Variants in KCNG4 observed in about 807,000 individuals in gnomAD.
The protein encoded by KCNG4 is potassium voltage-gated channel modifier subfamily G member 4.
Under a neutral mutation model 28.2 loss-of-function variants are expected in KCNG4, and 30 were observed. The observed-to-expected ratio is 1.06, with a 90% CI of 0.80 to 1.44. KCNG4 has a LOEUF of 1.44. KCNG4 is among the 40% of genes most tolerant of loss of function. The probability of loss-of-function intolerance (pLI) is 0.00; values close to 1 mark genes in which losing one functional copy is unlikely to be tolerated. For missense variants in KCNG4, 879 were observed against 712.3 expected, an observed-to-expected ratio of 1.23 and a Z score of -2.66; for synonymous variants, 375 against 315.5, an observed-to-expected ratio of 1.19 and a Z score of -2.00.
chr16:84,222,066 A>G lies in KCNG4; in HGVS notation c.*151T>C. 1.2e-6 allele frequency: 1 copy of G among 855,698 alleles called. No individual in the cohort carries two copies. The highest frequency in any genetic ancestry group is 1.9e-6 in the Non-Finnish European group (1 of 539,378). The allele number at this position is 855,698 out of a possible 1,614,324, so 53.0% of individuals were successfully genotyped here. On this transcript the variant is annotated 3_prime_UTR_variant, in exon 3 of 3. Transcript: ENST00000308251. ...GCCCCGAGGGACAAGGATCACAGAC[A>G]CACAGCCTCTGTGGCCTTATGCCCC...
At chr16:84,238,511 A>G (rs900224231) in intron 1 of KCNG4, among the ~76,000 whole-genome samples, 2 of 152,176 alleles carry the variant, frequency 1.3e-5, no homozygotes, top group African/African-American at 4.8e-5. Context: ...TGCTTGCCTC[A>G]GCCATCCTTG....
chr16:84,235,212 C>T (rs890539056), intron 2 of KCNG4, among the ~76,000 whole-genome samples: 3 of 152,276 alleles, frequency 2.0e-5, no homozygotes, highest in South Asian at 2.1e-4. Context: ...TGGCCGTCTG[C>T]GCAACCGAAA....
rs775388265 is a variant in KCNG4 at position 84,221,344 on chromosome 16, C to G, written c.*873G>C. 1 of 152,234 alleles carries G rather than the reference C, an allele frequency of 6.6e-6. No individual in the cohort carries two copies. Among genetic ancestry groups the G allele is most frequent in the Non-Finnish European group, 1.5e-5 (1 of 68,092 alleles). 9.4% of individuals were successfully genotyped at this position (152,234 alleles called of 1,614,324 possible). A position where few individuals can be genotyped will look rare whatever the true frequency, so the allele number is the denominator to read the frequency against. On this transcript the variant is annotated 3_prime_UTR_variant, in exon 3 of 3. Transcript: ENST00000308251. ...GTGTGGGAGCAACCAGCAGCAGGAA[C>G]GATCCTCTCAAGGGACAACATGGAC...
At position 84,221,805 on chromosome 16, in the gene KCNG4, C is replaced by G. The variant is rs931938991; in HGVS notation, c.*412G>C. The G allele has an allele frequency of 5.3e-6, 1 of 186,916 alleles. No homozygotes were observed. 11.6% of individuals were successfully genotyped at this position (186,916 alleles called of 1,614,324 possible). A position where few individuals can be genotyped will look rare whatever the true frequency, so the allele number is the denominator to read the frequency against. On this transcript the variant is annotated 3_prime_UTR_variant, in exon 3 of 3. Transcript: ENST00000308251. ...CCTTTGATTTCCAGTGGTGGCATGG[C>G]CCAGGAAGGAGGGTCTTAGGGAAAT... is the stretch of plus-strand genomic sequence containing the variant.
chr16:84,237,536 A>C lies in KCNG4; in HGVS notation c.-40-11T>G, dbSNP rs777265973. ...GCTGGGTTTACCAGTCTGACACCCAAGGGACAAAGAGCAAGCAAAAGGAAG... is the reference window on the plus strand; with the variant it reads ...GCTGGGTTTACCAGTCTGACACCCACGGGACAAAGAGCAAGCAAAAGGAAG... On this transcript the variant is annotated splice_polypyrimidine_tract_variant and intron_variant, in intron 1 of 2. Transcript: ENST00000308251. 1 of 1,430,100 alleles carries C rather than the reference A, an allele frequency of 7.0e-7. No individual in the cohort carries two copies. Among genetic ancestry groups the C allele is most frequent in the Non-Finnish European group, 9.2e-7 (1 of 1,091,526 alleles). The allele number at this position is 1,430,100 out of a possible 1,614,324, so 88.6% of individuals were successfully genotyped here. A position where few individuals can be genotyped will look rare whatever the true frequency, so the allele number is the denominator to read the frequency against.
At chr16:84,236,656 T>C (rs530732779) in intron 2 of KCNG4, 74 bp downstream of exon 2, 2 of 1,433,396 alleles carry the variant, frequency 1.4e-6, no homozygotes, top group East Asian at 2.3e-5. Context: ...AGACATTTTC[T>C]TGGGCCCCTA....
intron 2 of KCNG4, among the ~76,000 whole-genome samples, chr16:84,227,081 C>T (rs1904715141): frequency 6.6e-6 from 1 of 152,018 alleles, no homozygotes; most frequent in African/African-American, 2.4e-5. Context: ...TGGCTAAAAT[C>T]ATAAAGACAG....
At chr16:84,238,574 G>A (rs746122821) in intron 1 of KCNG4, among the ~76,000 whole-genome samples, 15 of 152,210 alleles carry the variant, frequency 9.9e-5, no homozygotes, top group Non-Finnish European at 2.1e-4. Context: ...AGGCTTTTAT[G>A]TGCAGAATGA....
At chr16:84,229,528 G>A (rs1359753115) in intron 2 of KCNG4, among the ~76,000 whole-genome samples, 1 of 152,260 alleles carries the variant, frequency 6.6e-6, no homozygotes, top group Non-Finnish European at 1.5e-5. Flanking sequence ...GTGTGGGGAA[G>A]GCGGGCCGCC....
rs903154782 is a variant in KCNG4, at chr16:84,222,629, G to T, written c.1148C>A (p.Thr383Asn). 5 of 1,613,236 alleles carry T rather than the reference G, an allele frequency of 3.1e-6. No homozygotes were observed. Among genetic ancestry groups the T allele is most frequent in the Non-Finnish European group, 4.2e-6 (5 of 1,179,980 alleles). ...CACGTAGACCAAAGGGGAGAAGAGG[G>T]TGATGGCCACGGCCAGGAAGAGAAG... ...LLLLFLAVAI[T>N]LFSPLVYVAE... is the part of the protein sequence containing the mutation. The change falls in exon 3 of 3, where the codon ACC (threonine) becomes AAC (asparagine). Residue 383 changes from threonine to asparagine, a missense_variant. Thr to Asn is a moderately conservative substitution (Grantham distance 65). Transcript: ENST00000308251.
chr16:84,231,468 T>G (rs1053266217), intron 2 of KCNG4, among the ~76,000 whole-genome samples: 4 of 152,104 alleles, frequency 2.6e-5, no homozygotes, highest in Non-Finnish European at 5.9e-5. Flanking sequence ...CGGCCAGGGC[T>G]GAGGCCACAT....
Position 84,222,888 on chromosome 16 carries a change from T to A in KCNG4, c.889A>T (p.Ile297Phe), listed in dbSNP as rs771503292. The A allele has an allele frequency of 6.2e-6, 10 of 1,612,184 alleles. No homozygotes were observed. The East Asian group carries it at 1.1e-4, about 18-fold the overall frequency. Residue 297 changes from isoleucine (I) to phenylalanine (F), a missense_variant, in exon 3 of 3, where the codon ATC becomes TTC. Transcript: ENST00000308251. ...KCQFFQGPLNIIDILAISPYY... is the reference protein window; with the variant it reads ...KCQFFQGPLNFIDILAISPYY... ...GGGGAGATGGCCAGGATGTCGATGA[T>A]GTTCAGGGGCCCCTGGAAGAACTGA...
chr16:84,237,675 A>T (rs4782598), intron 1 of KCNG4, 150 bp from the exon 2 acceptor site: 75,851 of 475,672 alleles, frequency 0.16, 6,803 homozygotes, highest in South Asian at 0.25. Context: ...AGTTCAACAC[A>T]TATTTATTGA....
rs1904552678 is a variant in KCNG4 at position 84,221,364 on chromosome 16, A to C, written c.*853T>G. The stretch of plus-strand genomic sequence containing the variant: ...AGGAACGATCCTCTCAAGGGACAAC[A>C]TGGACCCTGAAAGAGTTTGTCTCTG... On this transcript the variant is annotated 3_prime_UTR_variant, in exon 3 of 3. Coordinates refer to ENST00000308251, the MANE Select transcript of KCNG4 (RefSeq NM_172347.3). 6.6e-6 allele frequency: 1 copy of C among 152,222 alleles called. No homozygotes were observed. Among genetic ancestry groups the C allele is most frequent in the Non-Finnish European group, 1.5e-5 (1 of 68,094 alleles). The allele number at this position is 152,222 out of a possible 1,614,324, so 9.4% of individuals were successfully genotyped here.
chr16:84,231,279 G>A (rs1269332846), intron 2 of KCNG4, among the ~76,000 whole-genome samples: 2 of 152,256 alleles, frequency 1.3e-5, no homozygotes, highest in African/African-American at 4.8e-5. Context: ...GAGCCAGGGA[G>A]TGGGAGAGCT....
intron 2 of KCNG4, among the ~76,000 whole-genome samples, chr16:84,229,976 G>A (rs1904788210): frequency 6.6e-6 from 1 of 152,212 alleles, no homozygotes; most frequent in Non-Finnish European, 1.5e-5. Context: ...AGGGACAGAT[G>A]AGGAGGCAGG....
At chr16:84,237,676 T>C (rs1286811862) in intron 1 of KCNG4, among the ~76,000 whole-genome samples, 151 bp from the exon 2 acceptor site, 1 of 152,184 alleles carries the variant, frequency 6.6e-6, no homozygotes, top group Non-Finnish European at 1.5e-5. Context: ...GTTCAACACA[T>C]ATTTATTGAG....
In KCNG4 at chr16:84,237,446, G is replaced by A; in HGVS notation, c.40C>T (p.His14Tyr). 3 of 1,506,604 alleles carry A rather than the reference G, an allele frequency of 2.0e-6. No individual in the cohort carries two copies. The highest frequency in any genetic ancestry group is 2.8e-5 in the South Asian group (2 of 72,302). The allele number at this position is 1,506,604 out of a possible 1,614,324, so 93.3% of individuals were successfully genotyped here. ...PSRDGGLHPR[H>Y]HHYGSHSPWS... ...GGGCTGTGGGAACCATAGTGGTGGT[G>A]TCTGGGATGCAGGCCCCCGTCTCTG... The change falls in exon 2 of 3, where the codon CAC becomes TAC. Residue 14 changes from histidine (H) to tyrosine (Y), a missense_variant. His to Tyr is a moderately conservative substitution (Grantham distance 83, BLOSUM62 2). Transcript: ENST00000308251.
At position 84,235,098 on chromosome 16, in the gene KCNG4, C is replaced by T. The variant is rs143002932; in HGVS notation, c.756+1632G>A. Among the ~76,000 whole-genome samples the T allele has an allele frequency of 2.4e-3, 369 of 152,280 alleles. 2 individuals are homozygous for T. Among genetic ancestry groups the T allele is most frequent in the African/African-American group, 8.2e-3 (342 of 41,546 alleles). On this transcript the variant is annotated intron_variant, in intron 2 of 2. Coordinates refer to ENST00000308251, the MANE Select transcript of KCNG4 (RefSeq NM_172347.3). ...CTGAAACTTTGGCTGCGCAGGTCTG[C>T]GGGCCCACCTCTCCCCTCTAATTTG...
Sources: allele counts gnomAD v4.1 joint callset (sites outside exome capture counted in the v4.1 genomes callset), GRCh38; gene constraint gnomAD v4.1.1; transcripts MANE v1.5; gene names NCBI Gene and HGNC (gene_info 2026-07-23, HGNC 2026-07-21).